The following PDE10A variants were observed in gnomAD, a reference collection of about 807,000 sequenced individuals.
PDE10A encodes cAMP and cAMP-inhibited cGMP 3',5'-cyclic phosphodiesterase 10A.
A neutral mutation model predicts 97.7 loss-of-function variants in PDE10A; 39 were observed. That is an observed-to-expected ratio of 0.40 (90% CI 0.31 to 0.52). PDE10A has a LOEUF of 0.52. Among genes scored for constraint, PDE10A ranks in the 20% least tolerant of loss-of-function variants. PDE10A has a pLI of 0.56. For missense variants in PDE10A, 731 were observed against 1,047.8 expected (o/e 0.70, Z 4.17); for synonymous variants, 371 against 376.8 (o/e 0.98, Z 0.18).
chr6:165,424,208 T>C (rs943086678), intron 10 of PDE10A, among the ~76,000 whole-genome samples: 1 of 152,092 alleles, frequency 6.6e-6, no homozygotes, highest in African/African-American at 2.4e-5. Context: ...CTACGTTAGA[T>C]CCCATCACAA....
At chr6:165,448,894 T>A (rs1479826779) in intron 5 of PDE10A, 34 bp downstream of exon 5, 2 of 1,413,586 alleles carry the variant, frequency 1.4e-6, no homozygotes, top group South Asian at 1.2e-5. Context: ...TATTTTCTTA[T>A]CTAGAGCACC....
At chr6:165,545,821 A>G (rs934380769) in intron 1 of PDE10A, among the ~76,000 whole-genome samples, 2 of 152,096 alleles carry the variant, frequency 1.3e-5, no homozygotes, top group Non-Finnish European at 2.9e-5. Flanking sequence ...ATAAGGATGC[A>G]AAATGCTACA....
chr6:165,556,610 C>A (rs780164396), intron 1 of PDE10A, among the ~76,000 whole-genome samples: 1 of 152,196 alleles, frequency 6.6e-6, no homozygotes, highest in Non-Finnish European at 1.5e-5. Flanking sequence ...AAAGTGAATT[C>A]TCAAGTGCTG....
chr6:165,975,122 T>C (rs1367058740), intron 1 of PDE10A, among the ~76,000 whole-genome samples: 1 of 152,194 alleles, frequency 6.6e-6, no homozygotes, highest in Non-Finnish European at 1.5e-5. Flanking sequence ...TGCTGTGGCC[T>C]CTCCCCAAGA....
intron 1 of PDE10A, among the ~76,000 whole-genome samples, chr6:165,770,934 G>A (rs541363639): frequency 1.3e-5 from 2 of 152,248 alleles, no homozygotes; most frequent in Admixed American, 1.3e-4. Context: ...TCCTGTAAAC[G>A]GTATCTTTTC....
chr6:165,691,756 C>T (rs767458898), intron 1 of PDE10A, among the ~76,000 whole-genome samples: 9 of 152,236 alleles, frequency 5.9e-5, no homozygotes, highest in Non-Finnish European at 1.2e-4. Context: ...GCCATGCCTT[C>T]GCCTCTCAGC....
intron 1 of PDE10A, chr6:165,718,261 G>T (rs1047653768): frequency 7.2e-5 from 11 of 152,122 alleles, no homozygotes; most frequent in Non-Finnish European, 1.6e-4. Flanking sequence ...TCATGAATTT[G>T]CATGTCATCC....
chr6:165,817,255 C>T (rs1779444091), intron 1 of PDE10A, among the ~76,000 whole-genome samples: 1 of 152,086 alleles, frequency 6.6e-6, no homozygotes, highest in Non-Finnish European at 1.5e-5. Flanking sequence ...ACAGCTTCTG[C>T]TACAAAAGAG....
chr6:165,548,668 CTT>C (rs960038861), intron 1 of PDE10A, among the ~76,000 whole-genome samples: 12 of 152,118 alleles, frequency 7.9e-5, no homozygotes, highest in African/African-American at 2.4e-4. Flanking sequence ...ATTAGTGGCT[CTT>C]GAGTGACTAA....
chr6:165,936,809 A>G (rs1321097144), intron 1 of PDE10A, among the ~76,000 whole-genome samples: 5 of 152,178 alleles, frequency 3.3e-5, no homozygotes, highest in Non-Finnish European at 7.3e-5. Context: ...GTTCCCCAAT[A>G]TTCTCTCTTT....
At chr6:165,528,674 C>T (rs917764897) in intron 2 of PDE10A, among the ~76,000 whole-genome samples, 1 of 152,154 alleles carries the variant, frequency 6.6e-6, no homozygotes, top group Admixed American at 6.5e-5. Context: ...CATGGTAATC[C>T]ACACAGCAGT....
At chr6:165,968,753 G>C (rs1249854425) in intron 1 of PDE10A, among the ~76,000 whole-genome samples, 1 of 152,172 alleles carries the variant, frequency 6.6e-6, no homozygotes, top group East Asian at 1.9e-4. Flanking sequence ...AAAAAGATGT[G>C]ATAAATTTTT....
intron 1 of PDE10A, among the ~76,000 whole-genome samples, chr6:165,683,874 C>G (rs1433230063): frequency 6.6e-6 from 1 of 152,186 alleles, no homozygotes; most frequent in Admixed American, 6.5e-5. Context: ...TGACCGGTGT[C>G]CTAGGAACCC....
At position 165,898,994 on chromosome 6, in the gene PDE10A, C is replaced by A. The variant is rs1782031788; in HGVS notation, c.-615+88535G>T. 2.0e-5 allele frequency among the ~76,000 whole-genome samples: 3 copies of A among 152,196 alleles called. No individual in the cohort carries two copies. In the South Asian group the frequency reaches 6.2e-4, roughly 31 times the overall value. On this transcript the variant is annotated intron_variant, in intron 1 of 19. Transcript: ENST00000366882. ...GCCTTCGGGGACCCCATCAAGGCCTCCCGGCAGCTCCTGCCTTCACTCGAT... is the reference window on the plus strand; with the variant it reads ...GCCTTCGGGGACCCCATCAAGGCCTACCGGCAGCTCCTGCCTTCACTCGAT...
At chr6:165,836,286 C>T (rs1459112396) in intron 1 of PDE10A, among the ~76,000 whole-genome samples, 1 of 152,206 alleles carries the variant, frequency 6.6e-6, no homozygotes, top group Non-Finnish European at 1.5e-5. Context: ...TTTTCTGAAA[C>T]ATTTGAGGGT....
intron 1 of PDE10A, chr6:165,775,488 G>GT (rs762292930): frequency 6.6e-6 from 1 of 152,132 alleles, no homozygotes; most frequent in Admixed American, 6.5e-5. Flanking sequence ...ACTTTTCAAA[G>GT]GTCATCAGCT....
rs562388984 is a variant in PDE10A at position 165,768,639 on chromosome 6, T to TA, written c.-615+218889dup. Among the ~76,000 whole-genome samples, 164 of 152,244 alleles carry TA rather than the reference T, an allele frequency of 1.1e-3. 1 individual carries two copies. The highest frequency in any genetic ancestry group is 3.8e-3 in the African/African-American group (159 of 41,536). On this transcript the variant is annotated intron_variant, in intron 1 of 19. Coordinates refer to the PDE10A transcript ENST00000366882. Reference sequence around the variant, plus strand: ...GAAGTTTAATGTATCATATATTTTTTAAAAAATTAGGATAATCTAGGGTTG... The same window carrying TA: ...GAAGTTTAATGTATCATATATTTTTTAAAAAAATTAGGATAATCTAGGGTTG...
chr6:165,725,043 G>A (rs1260764836), intron 1 of PDE10A, among the ~76,000 whole-genome samples: 1 of 152,176 alleles, frequency 6.6e-6, no homozygotes, highest in Non-Finnish European at 1.5e-5. Flanking sequence ...GGACGCCGAG[G>A]GAAATTTGGC....
intron 16 of PDE10A, 140 bp downstream of exon 16, chr6:165,392,506 A>C (rs1387253425): frequency 1.5e-6 from 1 of 652,848 alleles, no homozygotes; most frequent in African/African-American, 1.8e-5. Context: ...AAGAGTCTAA[A>C]AATGGGCTAC....
Sources: gnomAD v4.1 joint callset for allele counts (sites outside exome capture counted in the v4.1 genomes callset) on GRCh38, gnomAD v4.1.1 for gene constraint, MANE v1.5 for transcripts, NCBI Gene and HGNC (gene_info 2026-07-23, HGNC 2026-07-21) for gene names.